Variants in EP300 observed in about 807,000 individuals in gnomAD.
The protein encoded by EP300 is histone acetyltransferase p300.
A neutral mutation model predicts 264.0 loss-of-function variants in EP300; 31 were observed. The ratio of observed to expected loss-of-function variants is 0.12; its 90% CI spans 0.09 to 0.16. EP300 has a LOEUF of 0.16. Ranked by LOEUF, EP300 falls within the 10% of genes least tolerant of loss-of-function variation. The pLI is 1.00. For missense variants in EP300, 2,766 were observed against 3,052.9 expected, an observed-to-expected ratio of 0.91 and a Z score of 2.21; for synonymous variants, 1,340 against 1,045.4, an observed-to-expected ratio of 1.28 and a Z score of -5.44.
chr22:41,174,512 T>C (rs918393826), intron 29 of EP300: 1 of 152,194 alleles, frequency 6.6e-6, no homozygotes, highest in African/African-American at 2.4e-5. Flanking sequence ...TCTCAAAACT[T>C]TTTGAGTTAT....
chr22:41,147,704 C>A, intron 11 of EP300, 133 bp from the exon 12 acceptor site: 1 of 688,562 alleles, frequency 1.5e-6, no homozygotes, highest in Non-Finnish European at 2.5e-6. Flanking sequence ...CGCCACTGCA[C>A]TCCAGCCTGG....
At chr22:41,118,913 AT>A (rs891825691) in intron 2 of EP300, among the ~76,000 whole-genome samples, 70 of 150,270 alleles carry the variant, frequency 4.7e-4, no homozygotes, top group African/African-American at 1.6e-3. Flanking sequence ...AAAACCTTAA[AT>A]TTTTTTTTGC....
chr22:41,128,401 G>A (rs2058895608), intron 4 of EP300, among the ~76,000 whole-genome samples: 1 of 151,714 alleles, frequency 6.6e-6, no homozygotes, highest in African/African-American at 2.4e-5. Flanking sequence ...GCAGGGGTTG[G>A]TGTGATTCGA....
chr22:41,109,924 C>T (rs2058779569), intron 1 of EP300, among the ~76,000 whole-genome samples: 1 of 151,404 alleles, frequency 6.6e-6, no homozygotes, highest in Admixed American at 6.6e-5. Flanking sequence ...AGCAATTCTC[C>T]TGCCCCGGCC....
rs2059218676 is a variant in EP300, at chr22:41,178,639, C to T, written c.6928C>T (p.Pro2310Ser). 1 of 1,614,132 alleles carries T rather than the reference C, an allele frequency of 6.2e-7. No homozygotes were observed. Among genetic ancestry groups the T allele is most frequent in the Non-Finnish European group, 8.5e-7 (1 of 1,180,026 alleles). The change falls in exon 31 of 31, where the codon CCC (proline) becomes TCC (serine). Residue 2310 changes from proline to serine, a missense_variant. Physicochemically the swap from Pro to Ser is moderately conservative, Grantham distance 74 (BLOSUM62 -1). Transcript: ENST00000263253. ...TTCTCTCTCCAATCAAGTGCGCTCTCCCCAGCCTGTCCCTTCTCCACGGCC... is the reference window on the plus strand; with the variant it reads ...TTCTCTCTCCAATCAAGTGCGCTCTTCCCAGCCTGTCCCTTCTCCACGGCC... ...PNSLSNQVRS[P>S]QPVPSPRPQS...
chr22:41,157,505 G>A, intron 18 of EP300, 97 bp downstream of exon 18: 1 of 768,378 alleles, frequency 1.3e-6, no homozygotes, highest in Non-Finnish European at 2.0e-6. Flanking sequence ...TTCTGGCTTT[G>A]ACATGGCTTT....
At chr22:41,151,719 T>C (rs2059046488) in intron 14 of EP300, 114 bp from the exon 15 acceptor site, 2 of 1,063,396 alleles carry the variant, frequency 1.9e-6, no homozygotes, top group East Asian at 2.4e-5. Flanking sequence ...TGAATAAATA[T>C]AAGCCAAGAA....
chr22:41,174,986 G>T (rs558545391), intron 29 of EP300, among the ~76,000 whole-genome samples: 2 of 150,660 alleles, frequency 1.3e-5, no homozygotes, highest in African/African-American at 2.5e-5. Context: ...AATGGGCTAC[G>T]ATGTAATAAT....
intron 10 of EP300, among the ~76,000 whole-genome samples, chr22:41,142,330 A>G (rs1378315955): frequency 6.6e-6 from 1 of 152,186 alleles, no homozygotes; most frequent in Non-Finnish European, 1.5e-5. Context: ...TTGAAGTAGT[A>G]AAGTAGAGAA....
At chr22:41,146,905 A>C in intron 11 of EP300, 89 bp downstream of exon 11, 1 of 1,145,758 alleles carries the variant, frequency 8.7e-7, no homozygotes, top group Non-Finnish European at 1.3e-6. Context: ...GCTTTATGCC[A>C]ACAGCAAGTG....
chr22:41,157,189 G>A lies in EP300; in HGVS notation c.3282G>A (p.Lys1094=), dbSNP rs1024481587. ...LGIPDYFDIV[K]SPMDLSTIKR... ...TCTAGGATTACTTTGATATTGTGAA[G>A]AGCCCCATGGATCTTTCTACCATTA... The change falls in exon 18 of 31, where the codon AAG becomes AAA. Residue 1094 remains lysine, a synonymous_variant. Coordinates refer to ENST00000263253, the MANE Select transcript of EP300 (RefSeq NM_001429.4). 2.5e-6 allele frequency: 4 copies of A among 1,614,018 alleles called. No homozygotes were observed. The highest frequency in any genetic ancestry group is 2.7e-5 in the African/African-American group (2 of 74,918).
chr22:41,113,264 T>C lies in EP300; in HGVS notation c.95-3923T>C, dbSNP rs566633559. Reference sequence around the variant, plus strand: ...TTGAGTATTTTCTCCGGAATTTATTTATTTTGTATGTTTTCTTCATTTGTA... The same window carrying C: ...TTGAGTATTTTCTCCGGAATTTATTCATTTTGTATGTTTTCTTCATTTGTA... On this transcript the variant is annotated intron_variant, in intron 1 of 30. Transcript: ENST00000263253. Among the ~76,000 whole-genome samples the C allele has an allele frequency of 7.2e-5, 11 of 151,910 alleles. 1 individual carries two copies. In the East Asian group the frequency reaches 2.1e-3, roughly 29 times the overall value.
chr22:41,130,116 T>A, intron 5 of EP300, 113 bp downstream of exon 5: 1 of 799,572 alleles, frequency 1.3e-6, no homozygotes, highest in Non-Finnish European at 2.1e-6. Flanking sequence ...CTATGTTGAA[T>A]AAATGTTTTT....
In EP300 at chr22:41,180,057, A is replaced by G. The variant is rs2059235030; in HGVS notation, c.*1101A>G. 1 of 230,104 alleles carries G rather than the reference A, an allele frequency of 4.3e-6. No homozygotes were observed. The highest frequency in any genetic ancestry group is 5.7e-5 in the Admixed American group (1 of 17,676). The allele number at this position is 230,104 out of a possible 1,614,324, so 14.3% of individuals were successfully genotyped here. A position where few individuals can be genotyped will look rare whatever the true frequency, so the allele number is the denominator to read the frequency against. On this transcript the variant is annotated 3_prime_UTR_variant, in exon 31 of 31. Coordinates refer to ENST00000263253, the MANE Select transcript of EP300 (RefSeq NM_001429.4). ...TTGATTTCTTATTACCTATTGTTAA[A>G]TAAACTGTGTGAGACAGACACCCTG...
intron 9 of EP300, 85 bp downstream of exon 9, chr22:41,140,342 CAT>C: frequency 3.2e-6 from 3 of 926,092 alleles, no homozygotes; most frequent in Non-Finnish European, 5.4e-6. Flanking sequence ...ACAAGTAGTA[CAT>C]ATGCTTCAGA....
Position 41,177,794 on chromosome 22 carries a change from C to T in EP300, c.6083C>T (p.Ala2028Val), listed in dbSNP as rs200460407. ...VAQHGQPLNM[A>V]PQPGLGQVGI... Reference sequence around the variant, plus strand: ...CAGCATGGTCAACCTTTGAACATGGCTCCACAACCAGGATTGGGCCAGGTA... The same window carrying T: ...CAGCATGGTCAACCTTTGAACATGGTTCCACAACCAGGATTGGGCCAGGTA... The change falls in exon 31 of 31, where the codon GCT becomes GTT. Residue 2028 changes from alanine (A) to valine (V), a missense_variant. Transcript: ENST00000263253. 16 of 1,614,042 alleles carry T rather than the reference C, an allele frequency of 9.9e-6. No homozygotes were observed. Among genetic ancestry groups the T allele is most frequent in the African/African-American group, 1.3e-5 (1 of 75,044 alleles).
At chr22:41,121,626 G>A (rs900588598) in intron 2 of EP300, among the ~76,000 whole-genome samples, 9 of 152,146 alleles carry the variant, frequency 5.9e-5, no homozygotes, top group Non-Finnish European at 1.3e-4. Flanking sequence ...GAGTTTCCAG[G>A]TAATGCATCG....
Position 41,131,538 on chromosome 22 carries a change from A to G in EP300, c.1433A>G (p.Asn478Ser), listed in dbSNP as rs781034708. ...GCTCTTGGACTACCCTATCAAGTAA[A>G]TCAGATGCCGACACAACCCCAGGTG... ...YAALGLPYQV[N>S]QMPTQPQVQA... Residue 478 changes from asparagine to serine, a missense_variant, in exon 6 of 31, where the codon AAT becomes AGT. Asn to Ser is a conservative substitution (Grantham distance 46). Coordinates refer to ENST00000263253, the MANE Select transcript of EP300 (RefSeq NM_001429.4). 1 of 1,614,036 alleles carries G rather than the reference A, an allele frequency of 6.2e-7. No homozygotes were observed. Among genetic ancestry groups the G allele is most frequent in the Admixed American group, 1.7e-5 (1 of 59,974 alleles).
Position 41,127,759 on chromosome 22 carries a change from C to A in EP300, c.1168+11C>A, listed in dbSNP as rs771698941. On this transcript the variant is annotated intron_variant, in intron 4 of 30. Transcript: ENST00000263253. ...GCAAGTCTTGCCAAGGTAAGTGGAC[C>A]CACAGGGTTACTGTACTTAGCAATT... is the stretch of plus-strand genomic sequence containing the variant. The A allele has an allele frequency of 1.2e-6, 2 of 1,614,052 alleles. No individual in the cohort carries two copies. Among genetic ancestry groups the A allele is most frequent in the South Asian group, 1.1e-5 (1 of 91,064 alleles).
Sources: gnomAD v4.1 joint callset for allele counts (sites outside exome capture counted in the v4.1 genomes callset) on GRCh38, gnomAD v4.1.1 for gene constraint, MANE v1.5 for transcripts, NCBI Gene and HGNC (gene_info 2026-07-23, HGNC 2026-07-21) for gene names.